The following ASIC2 variants were observed in gnomAD, a reference collection of about 807,000 sequenced individuals.
The protein encoded by ASIC2 is acid-sensing ion channel 2.
Under a neutral mutation model 57.3 loss-of-function variants are expected in ASIC2, and 25 were observed. That is an observed-to-expected ratio of 0.44 (90% CI 0.32 to 0.61). The LOEUF (loss-of-function observed/expected upper bound fraction) is 0.61, where lower values mean the gene tolerates loss of function less well. Ranked by LOEUF, ASIC2 falls within the 20% of genes least tolerant of loss-of-function variation. The pLI is 0.06. For missense variants in ASIC2, 641 were observed against 738.1 expected, an observed-to-expected ratio of 0.87 and a Z score of 1.52; for synonymous variants, 319 against 307.5, an observed-to-expected ratio of 1.04 and a Z score of -0.39.
chr17:33,813,199 G>A (rs536378324), intron 1 of ASIC2, among the ~76,000 whole-genome samples: 25 of 152,192 alleles, frequency 1.6e-4, no homozygotes, highest in African/African-American at 6.0e-4. Flanking sequence ...GGAGCACGGA[G>A]GACCCAGAGG....
At chr17:33,052,617 C>T (rs1210713343) in intron 3 of ASIC2, among the ~76,000 whole-genome samples, 2 of 152,092 alleles carry the variant, frequency 1.3e-5, no homozygotes, top group Non-Finnish European at 2.9e-5. Flanking sequence ...AGCCTCTACC[C>T]AGTGACCTCC....
chr17:33,184,897 C>T (rs1906129137), intron 1 of ASIC2, among the ~76,000 whole-genome samples: 1 of 152,162 alleles, frequency 6.6e-6, no homozygotes, highest in Admixed American at 6.5e-5. Context: ...CAGCTTAATA[C>T]AAGCAAATGC....
At chr17:33,418,024 A>ATATGTGTGTGTGTGTGTG (rs772080220) in intron 1 of ASIC2, among the ~76,000 whole-genome samples, 1 of 110,248 alleles carries the variant, frequency 9.1e-6, no homozygotes, top group East Asian at 2.1e-4. Context: ...CTCAGCATGT[A>ATATGTGTGTGTGTGTGTG]TGTATGTGTG....
chr17:33,035,766 G>A (rs767405726), intron 3 of ASIC2, among the ~76,000 whole-genome samples: 23 of 152,064 alleles, frequency 1.5e-4, no homozygotes, highest in Middle Eastern at 3.2e-3. Context: ...CATCCCCCTG[G>A]GCTTTTTAGA....
chr17:33,090,723 G>C (rs913281901), intron 2 of ASIC2, among the ~76,000 whole-genome samples: 1 of 152,146 alleles, frequency 6.6e-6, no homozygotes, highest in Admixed American at 6.5e-5. Context: ...CACGGGAAAG[G>C]CATGACCCAT....
At chr17:33,566,739 C>T (rs1387149176) in intron 1 of ASIC2, among the ~76,000 whole-genome samples, 2 of 152,158 alleles carry the variant, frequency 1.3e-5, no homozygotes, top group Non-Finnish European at 2.9e-5. Context: ...TTGTGATAAT[C>T]TCCCATGATT....
chr17:34,112,684 G>T (rs981640991), intron 1 of ASIC2, among the ~76,000 whole-genome samples: 2 of 152,014 alleles, frequency 1.3e-5, no homozygotes, highest in Admixed American at 6.6e-5. Context: ...TGGTCCTCTG[G>T]GCATTTACAA....
chr17:33,083,853 G>C (rs1262963008), intron 3 of ASIC2, among the ~76,000 whole-genome samples: 1 of 152,052 alleles, frequency 6.6e-6, no homozygotes. Context: ...GAAAGCCCTG[G>C]AATGTAAGGG....
Position 33,308,895 on chromosome 17 carries a change from CT to C in ASIC2, c.556-196829del, listed in dbSNP as rs1906290162. ...CCGTTCAATGATAACTATCGATCTC[CT>C]TTGTCGGGTAGACAGGGTTTGAACT... On this transcript the variant is annotated intron_variant, in intron 1 of 9. Transcript: ENST00000359872. Among the ~76,000 whole-genome samples the C allele has an allele frequency of 2.0e-5, 3 of 152,282 alleles. No individual in the cohort carries two copies. In the South Asian group the frequency reaches 6.2e-4, roughly 32 times the overall value.
At chr17:33,986,721 A>G (rs965678764) in intron 1 of ASIC2, among the ~76,000 whole-genome samples, 2 of 152,024 alleles carry the variant, frequency 1.3e-5, no homozygotes, top group African/African-American at 4.8e-5. Context: ...ATAAATTCAT[A>G]TTTAACCCTC....
chr17:33,044,270 C>T (rs1439420172), intron 3 of ASIC2, among the ~76,000 whole-genome samples: 1 of 141,734 alleles, frequency 7.1e-6, no homozygotes, highest in Non-Finnish European at 1.5e-5. Flanking sequence ...ACCCATCCAT[C>T]CATCCATCCA....
At chr17:33,440,446 G>A (rs1911784828) in intron 1 of ASIC2, among the ~76,000 whole-genome samples, 2 of 152,134 alleles carry the variant, frequency 1.3e-5, no homozygotes, top group East Asian at 1.9e-4. Flanking sequence ...ACAAGTCTTT[G>A]TAGACATATG....
At chr17:33,668,629 T>G (rs1907556048) in intron 1 of ASIC2, among the ~76,000 whole-genome samples, 1 of 152,142 alleles carries the variant, frequency 6.6e-6, no homozygotes, top group South Asian at 2.1e-4. Flanking sequence ...CAAAGTCCCT[T>G]TTACCACATA....
In ASIC2 at chr17:33,667,238, C is replaced by T. The variant is rs1019636063; in HGVS notation, c.555+488740G>A. Reference sequence around the variant, plus strand: ...CGCCCTCGCCAAGGGCACGCTTAGACGCAGGTGTGGTTGGCACGGGTTCTA... The same window carrying T: ...CGCCCTCGCCAAGGGCACGCTTAGATGCAGGTGTGGTTGGCACGGGTTCTA... On this transcript the variant is annotated intron_variant, in intron 1 of 9. Coordinates refer to the ASIC2 transcript ENST00000359872. Among the ~76,000 whole-genome samples the T allele has an allele frequency of 3.3e-5, 5 of 152,178 alleles. 1 individual carries two copies. Among genetic ancestry groups the T allele is most frequent in the Admixed American group, 1.3e-4 (2 of 15,278 alleles).
At chr17:33,035,152 G>A (rs1312661180) in intron 3 of ASIC2, among the ~76,000 whole-genome samples, 1 of 152,062 alleles carries the variant, frequency 6.6e-6, no homozygotes, top group Non-Finnish European at 1.5e-5. Context: ...GTGATTTTCA[G>A]TTCTAGGGCT....
intron 1 of ASIC2, among the ~76,000 whole-genome samples, chr17:33,186,554 A>G (rs1262218968): frequency 6.6e-6 from 1 of 152,202 alleles, no homozygotes; most frequent in Non-Finnish European, 1.5e-5. Flanking sequence ...TTAAGCTCAC[A>G]ATGGGTCGTA....
chr17:34,016,417 C>T (rs1326099872), intron 1 of ASIC2, among the ~76,000 whole-genome samples: 7 of 126,494 alleles, frequency 5.5e-5, no homozygotes, highest in African/African-American at 2.3e-4. Context: ...GAGCGAGACT[C>T]CGTCTCAAAA....
Position 33,464,477 on chromosome 17 carries a change from TTTC to T in ASIC2, c.556-352413_556-352411del, listed in dbSNP as rs1252032941. On this transcript the variant is annotated intron_variant, in intron 1 of 9. Coordinates refer to the ASIC2 transcript ENST00000359872. ...TTTTTCTCTTTCTTTCTTTCTTTCTTTTCTCTCTTTCTTTCTTTCTTTCTTTCT... is the reference window on the plus strand; with the variant it reads ...TTTTTCTCTTTCTTTCTTTCTTTCTTTCTCTTTCTTTCTTTCTTTCTTTCT... Among the ~76,000 whole-genome samples the T allele has an allele frequency of 2.1e-3, 231 of 107,740 alleles. 9 individuals carry two copies. Among genetic ancestry groups the T allele is most frequent in the African/African-American group, 8.0e-3 (205 of 25,728 alleles). 70.7% of individuals were successfully genotyped at this position (107,740 alleles called of 152,430 possible).
At chr17:33,586,634 C>T (rs1904643523) in intron 1 of ASIC2, among the ~76,000 whole-genome samples, 1 of 152,140 alleles carries the variant, frequency 6.6e-6, no homozygotes, top group African/African-American at 2.4e-5. Context: ...TGCTTTGCTT[C>T]TTCAATTATT....
Sources: gnomAD v4.1 joint callset for allele counts (sites outside exome capture counted in the v4.1 genomes callset) on GRCh38, gnomAD v4.1.1 for gene constraint, MANE v1.5 for transcripts, NCBI Gene and HGNC (gene_info 2026-07-23, HGNC 2026-07-21) for gene names.